The following SLC2A9 variants were observed in gnomAD, a reference collection of about 807,000 sequenced individuals.
SLC2A9 encodes solute carrier family 2, facilitated glucose transporter member 9.
Under a neutral mutation model 50.6 loss-of-function variants are expected in SLC2A9, and 39 were observed. That is an observed-to-expected ratio of 0.77 (90% CI 0.60 to 1.01). SLC2A9 has a LOEUF of 1.01. Among genes scored for constraint, SLC2A9 ranks in the 50% least tolerant of loss-of-function variants. The pLI is 0.00. For synonymous variants in SLC2A9, 324 were observed against 276.9 expected (o/e 1.17, Z -1.69); for missense variants, 686 against 677.6 (o/e 1.01, Z -0.14).
chr4:10,012,400 G>T (rs1272142619), intron 2 of SLC2A9, among the ~76,000 whole-genome samples: 1 of 152,148 alleles, frequency 6.6e-6, no homozygotes, highest in East Asian at 1.9e-4. Context: ...TTATCCATTT[G>T]CTCATTTAGC....
intron 10 of SLC2A9, among the ~76,000 whole-genome samples, chr4:9,865,625 T>G (rs947993618): frequency 3.9e-5 from 6 of 152,214 alleles, no homozygotes; most frequent in African/African-American, 1.2e-4. Flanking sequence ...TCTTGCATAA[T>G]AGCTCTCAAG....
chr4:9,908,659 C>T (rs867343432), intron 7 of SLC2A9, among the ~76,000 whole-genome samples: 47 of 152,054 alleles, frequency 3.1e-4, no homozygotes, highest in South Asian at 8.3e-4. Context: ...CCCATTAACT[C>T]GTCATTTACA....
chr4:9,836,282 C>T (rs906853616), intron 10 of SLC2A9, among the ~76,000 whole-genome samples: 4 of 149,412 alleles, frequency 2.7e-5, no homozygotes, highest in African/African-American at 9.9e-5. Context: ...ACCACCTGTT[C>T]CCCAAAAAAC....
At chr4:10,028,497 C>T (rs1338689754) in intron 1 of SLC2A9, among the ~76,000 whole-genome samples, 4 of 152,200 alleles carry the variant, frequency 2.6e-5, no homozygotes, top group African/African-American at 7.2e-5. Flanking sequence ...CTGAGTTAAC[C>T]TCTCTGAGCT....
chr4:9,927,506 C>T (rs757101217), intron 6 of SLC2A9, among the ~76,000 whole-genome samples: 17 of 152,224 alleles, frequency 1.1e-4, no homozygotes, highest in Non-Finnish European at 2.1e-4. Flanking sequence ...GCAATAGCCT[C>T]GTATAAGTTC....
rs752166741 is a variant in SLC2A9 at position 9,920,477 on chromosome 4, C to A, written c.910G>T (p.Val304Leu). The change falls in exon 7 of 12, where the codon GTG becomes TTG. Residue 304 changes from valine to leucine, a missense_variant. Val to Leu is a conservative substitution (Grantham distance 32). Coordinates refer to ENST00000264784, the MANE Select transcript of SLC2A9 (RefSeq NM_020041.3). ...TAGGGAGCTCTCAGCAGCTCCAGCA[C>A]GGACACCAGGCGGATGCTCCTCTGC... Reference protein sequence around the residue: ...RVQRSIRLVSVLELLRAPYVR... With the variant: ...RVQRSIRLVSLLELLRAPYVR... 2 of 1,614,186 alleles carry A rather than the reference C, an allele frequency of 1.2e-6. No homozygotes were observed. The highest frequency in any genetic ancestry group is 2.2e-5 in the East Asian group (1 of 44,884).
At chr4:9,931,932 C>CTCTCAA (rs1451434854) in intron 6 of SLC2A9, among the ~76,000 whole-genome samples, 3 of 47,884 alleles carry the variant, frequency 6.3e-5, no homozygotes, top group Non-Finnish European at 1.0e-4. Flanking sequence ...CTCTCTCTCT[C>CTCTCAA]TCTCTCTCTC....
chr4:9,931,930 C>CTCTCTCTCTCAA (rs1553878781), intron 6 of SLC2A9, among the ~76,000 whole-genome samples: 41 of 43,502 alleles, frequency 9.4e-4, no homozygotes, highest in African/African-American at 1.3e-3. Context: ...CTCTCTCTCT[C>CTCTCTCTCTCAA]TCTCTCTCTC....
intron 6 of SLC2A9, chr4:9,924,189 A>C (rs905810509): frequency 1.3e-5 from 2 of 152,226 alleles, no homozygotes; most frequent in African/African-American, 4.8e-5. Context: ...ACAAGGAACA[A>C]AGACAGAACC....
intron 6 of SLC2A9, among the ~76,000 whole-genome samples, chr4:9,921,229 C>G (rs959339782): frequency 6.6e-6 from 1 of 152,210 alleles, no homozygotes; most frequent in Non-Finnish European, 1.5e-5. Flanking sequence ...TACCAGGACT[C>G]AAACCCACCC....
intron 10 of SLC2A9, chr4:9,879,512 G>A: frequency 1.0e-6 from 1 of 985,320 alleles, no homozygotes; most frequent in Non-Finnish European, 1.2e-6. Context: ...CGACCACATA[G>A]GTTCTGTCAA....
intron 6 of SLC2A9, among the ~76,000 whole-genome samples, chr4:9,931,926 C>CTCTCTCTCTCTCTCAA (rs1560328375): frequency 5.2e-4 from 17 of 32,436 alleles, no homozygotes; most frequent in South Asian, 1.4e-3. Context: ...CTCTCTCTCT[C>CTCTCTCTCTCTCTCAA]TCTCTCTCTC....
upstream of SLC2A9, among the ~76,000 whole-genome samples, chr4:10,024,328 C>G (rs1458205320): frequency 6.6e-6 from 1 of 152,166 alleles, no homozygotes; most frequent in Admixed American, 6.5e-5. Flanking sequence ...AAGTACCTGA[C>G]AATGTGACTG....
At chr4:9,959,504 A>T (rs377247962) in intron 5 of SLC2A9, among the ~76,000 whole-genome samples, 18 of 152,258 alleles carry the variant, frequency 1.2e-4, no homozygotes, top group African/African-American at 4.1e-4. Context: ...TCTATCATCA[A>T]TTATTTTAAA....
intron 10 of SLC2A9, among the ~76,000 whole-genome samples, chr4:9,851,694 G>C (rs544912016): frequency 6.6e-6 from 1 of 150,900 alleles, no homozygotes; most frequent in Admixed American, 6.7e-5. Flanking sequence ...AATACAGGAG[G>C]TGAAAGACGA....
At chr4:10,013,977 C>T (rs984077645) in intron 2 of SLC2A9, among the ~76,000 whole-genome samples, 1 of 152,158 alleles carries the variant, frequency 6.6e-6, no homozygotes, top group Non-Finnish European at 1.5e-5. Context: ...AGCAGATACC[C>T]TCCCCGCACT....
chr4:9,816,314 G>C (rs1344549724), intron 3 of SLC2A9, among the ~76,000 whole-genome samples: 1 of 152,168 alleles, frequency 6.6e-6, no homozygotes. Context: ...TTCTGCTGCT[G>C]CTGTAACTAA....
chr4:9,813,189 C>T (rs971121010), intron 3 of SLC2A9, among the ~76,000 whole-genome samples: 4 of 152,110 alleles, frequency 2.6e-5, no homozygotes, highest in East Asian at 1.9e-4. Flanking sequence ...GTGGGGCAGG[C>T]GGGTTGCAGA....
intron 2 of SLC2A9, among the ~76,000 whole-genome samples, chr4:9,999,479 G>T (rs573958714): frequency 1.3e-5 from 2 of 152,204 alleles, no homozygotes; most frequent in African/African-American, 4.8e-5. Context: ...ATTTAACATG[G>T]AAAAGAAAAA....
Sources: gnomAD v4.1 joint callset for allele counts (sites outside exome capture counted in the v4.1 genomes callset) on GRCh38, gnomAD v4.1.1 for gene constraint, MANE v1.5 for transcripts, NCBI Gene and HGNC (gene_info 2026-07-23, HGNC 2026-07-21) for gene names.